Variants in NR6A1 observed in about 807,000 individuals in gnomAD.
NR6A1 encodes the protein retinoic acid receptor-related testis-associated receptor.
NR6A1 carries 7 observed loss-of-function variants against 59.1 expected under a neutral mutation model. That is an observed-to-expected ratio of 0.12 (90% CI 0.07 to 0.22). The LOEUF (loss-of-function observed/expected upper bound fraction) is 0.22, where lower values mean the gene tolerates loss of function less well. Among genes scored for constraint, NR6A1 ranks in the 10% least tolerant of loss-of-function variants. NR6A1 has a pLI of 1.00. For synonymous variants in NR6A1, 243 were observed against 236.1 expected (o/e 1.03, Z -0.27); for missense variants, 468 against 611.6 (o/e 0.77, Z 2.48).
At chr9:124,699,200 G>A (rs991588381) in intron 2 of NR6A1, among the ~76,000 whole-genome samples, 3 of 152,160 alleles carry the variant, frequency 2.0e-5, no homozygotes, top group Non-Finnish European at 4.4e-5. Context: ...CTCTGATGGT[G>A]CTGCTCCACA....
chr9:124,747,974 TAAAC>T (rs1489854442), intron 1 of NR6A1, among the ~76,000 whole-genome samples: 1 of 152,208 alleles, frequency 6.6e-6, no homozygotes, highest in Admixed American at 6.5e-5. Context: ...ATTACAGAAA[TAAAC>T]AAATCCAACA....
intron 2 of NR6A1, among the ~76,000 whole-genome samples, chr9:124,620,797 T>C (rs1381509211): frequency 6.6e-6 from 1 of 151,158 alleles, no homozygotes; most frequent in Admixed American, 6.6e-5. Flanking sequence ...ATGTGAAACA[T>C]GTCTCATTGT....
chr9:124,619,558 T>C (rs1836002106), intron 2 of NR6A1, among the ~76,000 whole-genome samples: 1 of 151,832 alleles, frequency 6.6e-6, no homozygotes, highest in Admixed American at 6.6e-5. Context: ...CCACCATACC[T>C]GGACTATAAT....
At chr9:124,695,645 T>C (rs1474099876) in intron 2 of NR6A1, among the ~76,000 whole-genome samples, 5 of 152,094 alleles carry the variant, frequency 3.3e-5, no homozygotes, top group Non-Finnish European at 7.4e-5. Flanking sequence ...GCTGGGATTA[T>C]AGGCATGAGT....
At chr9:124,680,082 G>T (rs1178842883) in intron 2 of NR6A1, among the ~76,000 whole-genome samples, 3 of 141,544 alleles carry the variant, frequency 2.1e-5, no homozygotes, top group African/African-American at 9.2e-5. Context: ...ATGTGTCTGT[G>T]TGTATGTATG....
At chr9:124,556,485 G>C (rs1833931761) in intron 2 of NR6A1, among the ~76,000 whole-genome samples, 1 of 150,336 alleles carries the variant, frequency 6.7e-6, no homozygotes, top group African/African-American at 2.5e-5. Context: ...TTTTGAAAGG[G>C]AGTCTTGCTC....
chr9:124,536,880 CAGA>C (rs1037377510), intron 6 of NR6A1, among the ~76,000 whole-genome samples: 6 of 152,138 alleles, frequency 3.9e-5, no homozygotes, highest in Admixed American at 3.3e-4. Flanking sequence ...AGAACAAGTT[CAGA>C]AGATTTTTCT....
intron 2 of NR6A1, among the ~76,000 whole-genome samples, chr9:124,561,429 A>G (rs1834082153): frequency 6.6e-6 from 1 of 151,998 alleles, no homozygotes; most frequent in African/African-American, 2.4e-5. Flanking sequence ...CGGCGGAATG[A>G]GATCCCATTT....
chr9:124,731,480 C>T (rs182544438), intron 2 of NR6A1, among the ~76,000 whole-genome samples: 282 of 152,232 alleles, frequency 1.9e-3, no homozygotes, highest in African/African-American at 5.9e-3. Context: ...AGCTGGACCT[C>T]GAATAACACG....
chr9:124,555,275 C>T (rs375332944), intron 2 of NR6A1, among the ~76,000 whole-genome samples: 3 of 152,268 alleles, frequency 2.0e-5, no homozygotes, highest in African/African-American at 7.2e-5. Flanking sequence ...ACTGCATTTA[C>T]TCAGGACCAA....
At chr9:124,728,491 T>C in intron 2 of NR6A1, among the ~76,000 whole-genome samples, 1 of 151,658 alleles carries the variant, frequency 6.6e-6, no homozygotes, top group Non-Finnish European at 1.5e-5. Context: ...AAAAATTAGC[T>C]GGGCGCAGTG....
chr9:124,649,538 G>A (rs908098781), intron 2 of NR6A1, among the ~76,000 whole-genome samples: 5 of 152,206 alleles, frequency 3.3e-5, no homozygotes, highest in Non-Finnish European at 5.9e-5. Context: ...TTCAGGACAC[G>A]GGTCTGGCAA....
At chr9:124,561,839 G>T (rs1416503554) in intron 2 of NR6A1, among the ~76,000 whole-genome samples, 3 of 152,140 alleles carry the variant, frequency 2.0e-5, no homozygotes, top group Non-Finnish European at 2.9e-5. Context: ...TTGAACCCAG[G>T]AGGTAGAGGT....
chr9:124,541,977 A>C (rs1833461153), intron 4 of NR6A1, among the ~76,000 whole-genome samples: 1 of 152,244 alleles, frequency 6.6e-6, no homozygotes, highest in African/African-American at 2.4e-5. Context: ...TCAAACTCTT[A>C]TAAGCAGAAA....
intron 2 of NR6A1, among the ~76,000 whole-genome samples, chr9:124,680,521 C>T (rs913622146): frequency 1.3e-5 from 2 of 152,098 alleles, no homozygotes; most frequent in African/African-American, 2.4e-5. Flanking sequence ...AAAATGAAGT[C>T]GCTAAATATT....
At chr9:124,669,037 A>G (rs1366732877) in intron 2 of NR6A1, among the ~76,000 whole-genome samples, 2 of 152,244 alleles carry the variant, frequency 1.3e-5, no homozygotes, top group African/African-American at 4.8e-5. Flanking sequence ...GTTGATAGCA[A>G]TATTGAAAAC....
rs541094709 is a variant in NR6A1, at chr9:124,702,890, C to T, written c.142+30418G>A. ...GCAAAACAGAATTTTGCCTATTCTA[C>T]GAATAGGCAAATTTTTTTTTTTTCT... On this transcript the variant is annotated intron_variant, in intron 2 of 9. Transcript: ENST00000487099. Among the ~76,000 whole-genome samples, 27 of 151,832 alleles carry T rather than the reference C, an allele frequency of 1.8e-4. No homozygotes were observed. In the East Asian group the frequency reaches 1.9e-3, roughly 11 times the overall value.
intron 2 of NR6A1, among the ~76,000 whole-genome samples, chr9:124,671,550 T>C (rs1837795602): frequency 6.6e-6 from 1 of 152,158 alleles, no homozygotes; most frequent in African/African-American, 2.4e-5. Flanking sequence ...ATAAGAAGTA[T>C]TATAGAATAA....
Position 124,664,440 on chromosome 9 carries a change from T to A in NR6A1, c.142+68868A>T, listed in dbSNP as rs182268939. On this transcript the variant is annotated intron_variant, in intron 2 of 9. Transcript: ENST00000487099. Reference sequence around the variant, plus strand: ...TCTGAGTCTCTATTACCACTGGTGGTCCAAAGAACACATTCATACTAAAAG... The same window carrying A: ...TCTGAGTCTCTATTACCACTGGTGGACCAAAGAACACATTCATACTAAAAG... 5.3e-3 allele frequency among the ~76,000 whole-genome samples: 811 copies of A among 152,236 alleles called. 7 individuals are homozygous for A. Among genetic ancestry groups the A allele is most frequent in the African/African-American group, 0.019 (769 of 41,516 alleles).
Sources: allele counts gnomAD v4.1 joint callset (sites outside exome capture counted in the v4.1 genomes callset), GRCh38; gene constraint gnomAD v4.1.1; transcripts MANE v1.5; gene names NCBI Gene and HGNC (gene_info 2026-07-23, HGNC 2026-07-21).